Variants in CDH13 observed in about 807,000 individuals in gnomAD.
The protein encoded by CDH13 is cadherin-13.
A neutral mutation model predicts 63.8 loss-of-function variants in CDH13; 24 were observed. The observed-to-expected ratio is 0.38, with a 90% confidence interval of 0.27 to 0.53. CDH13 has a LOEUF of 0.53. Ranked by LOEUF, CDH13 falls within the 20% of genes least tolerant of loss-of-function variation. The pLI, the probability that CDH13 is intolerant of heterozygous loss-of-function variation, is 0.85. For synonymous variants in CDH13, 503 were observed against 355.3 expected (o/e 1.42, Z -4.67); for missense variants, 1,049 against 903.1 (o/e 1.16, Z -2.07).
intron 1 of CDH13, among the ~76,000 whole-genome samples, chr16:82,723,348 T>A (rs945456553): frequency 2.6e-5 from 4 of 152,210 alleles, no homozygotes; most frequent in Admixed American, 6.5e-5. Context: ...TTGAACCTTT[T>A]TGTGGGGACT....
chr16:82,692,469 C>G (rs1448202914), intron 1 of CDH13, among the ~76,000 whole-genome samples: 1 of 151,608 alleles, frequency 6.6e-6, no homozygotes, highest in Non-Finnish European at 1.5e-5. Flanking sequence ...GGGAAACTCT[C>G]CTTTATAAAA....
rs8057879 is a variant in CDH13, at chr16:83,587,923, C to A, written c.961-14531C>A. On this transcript the variant is annotated intron_variant, in intron 7 of 13. Coordinates refer to ENST00000567109, the MANE Select transcript of CDH13 (RefSeq NM_001257.5). ...CCCAGCTGGCTTTGTTGAGATTTATCTGAGCAACATTCTCTTATACCTCTT... is the reference window on the plus strand; with the variant it reads ...CCCAGCTGGCTTTGTTGAGATTTATATGAGCAACATTCTCTTATACCTCTT... 3.7e-3 allele frequency among the ~76,000 whole-genome samples: 564 copies of A among 151,604 alleles called. 3 individuals are homozygous for A. Among genetic ancestry groups the A allele is most frequent in the African/African-American group, 0.013 (532 of 41,410 alleles).
chr16:83,607,190 G>T (rs1425529084), intron 8 of CDH13, among the ~76,000 whole-genome samples: 1 of 152,126 alleles, frequency 6.6e-6, no homozygotes, highest in African/African-American at 2.4e-5. Flanking sequence ...GGCCGAGGTG[G>T]GTGGATCCCC....
At chr16:83,576,418 A>G (rs1454806101) in intron 7 of CDH13, among the ~76,000 whole-genome samples, 1 of 152,284 alleles carries the variant, frequency 6.6e-6, no homozygotes, top group East Asian at 1.9e-4. Flanking sequence ...CTGTTTATGG[A>G]CATTTGGCAC....
At chr16:82,645,463 G>C (rs1909981867) in intron 1 of CDH13, among the ~76,000 whole-genome samples, 1 of 152,102 alleles carries the variant, frequency 6.6e-6, no homozygotes, top group African/African-American at 2.4e-5. Flanking sequence ...AATATCTACA[G>C]ACATGCTTGT....
intron 6 of CDH13, among the ~76,000 whole-genome samples, chr16:83,353,169 A>C (rs907233186): frequency 1.3e-5 from 2 of 152,194 alleles, no homozygotes; most frequent in African/African-American, 4.8e-5. Context: ...AGACGTCAGC[A>C]CTCTGCCACA....
At chr16:82,737,050 C>T (rs960490768) in intron 1 of CDH13, among the ~76,000 whole-genome samples, 2 of 152,194 alleles carry the variant, frequency 1.3e-5, no homozygotes, top group Non-Finnish European at 2.9e-5. Flanking sequence ...TATGCCTTCT[C>T]CATCAGTGTT....
At chr16:82,696,492 CAGTTA>C (rs1353010215) in intron 1 of CDH13, among the ~76,000 whole-genome samples, 4 of 152,122 alleles carry the variant, frequency 2.6e-5, no homozygotes, top group African/African-American at 9.7e-5. Context: ...GACAGCTTTG[CAGTTA>C]AGTTCTGCAC....
rs182662411 is a variant in CDH13 at position 83,672,595 on chromosome 16, T to C, written c.1284+1623T>C. On this transcript the variant is annotated intron_variant, in intron 9 of 13. Coordinates refer to ENST00000567109, the MANE Select transcript of CDH13 (RefSeq NM_001257.5). ...GCATGCCACCACACCCAGCTAACTTTTGTATTTTCAATAGAGACGGGGTCT... is the reference window on the plus strand; with the variant it reads ...GCATGCCACCACACCCAGCTAACTTCTGTATTTTCAATAGAGACGGGGTCT... Among the ~76,000 whole-genome samples, 950 of 151,750 alleles carry C rather than the reference T, an allele frequency of 6.3e-3. 30 individuals are homozygous for C. Among genetic ancestry groups the C allele is most frequent in the Admixed American group, 3.5e-3 (54 of 15,262 alleles).
chr16:83,724,980 T>G (rs1352030696), intron 10 of CDH13, among the ~76,000 whole-genome samples: 2 of 152,162 alleles, frequency 1.3e-5, no homozygotes, highest in African/African-American at 2.4e-5. Context: ...GATTCACAGA[T>G]AGTGGGGATA....
chr16:82,891,735 C>T (rs2041087698), intron 2 of CDH13, among the ~76,000 whole-genome samples: 1 of 152,182 alleles, frequency 6.6e-6, no homozygotes, highest in African/African-American at 2.4e-5. Flanking sequence ...CTAAAGTACA[C>T]ATCACACTTT....
At chr16:83,094,657 A>C (rs1350451777) in intron 3 of CDH13, among the ~76,000 whole-genome samples, 1 of 152,228 alleles carries the variant, frequency 6.6e-6, no homozygotes, top group African/African-American at 2.4e-5. Context: ...TGAATGCTTC[A>C]GTTCCAAATA....
intron 6 of CDH13, among the ~76,000 whole-genome samples, chr16:83,423,854 G>C (rs1008566805): frequency 6.6e-6 from 1 of 152,182 alleles, no homozygotes; most frequent in Non-Finnish European, 1.5e-5. Context: ...CAGAGTTGTG[G>C]GGAAAGATAA....
chr16:83,384,705 G>A (rs1265042328), intron 6 of CDH13, among the ~76,000 whole-genome samples: 1 of 152,176 alleles, frequency 6.6e-6, no homozygotes, highest in East Asian at 1.9e-4. Flanking sequence ...AGGTGTGCAG[G>A]GCCACATGGC....
intron 4 of CDH13, among the ~76,000 whole-genome samples, chr16:83,190,725 A>C (rs2038671768): frequency 6.6e-6 from 1 of 152,234 alleles, no homozygotes; most frequent in Non-Finnish European, 1.5e-5. Context: ...TTTCCAAGGC[A>C]GTAAAATGTG....
intron 6 of CDH13, among the ~76,000 whole-genome samples, chr16:83,409,345 G>T (rs1388218681): frequency 1.3e-5 from 2 of 152,250 alleles, no homozygotes; most frequent in African/African-American, 4.8e-5. Context: ...CATGTGCCAA[G>T]CAGAGCTGCC....
In CDH13 at chr16:83,352,686, C is replaced by T. The variant is rs549692361; in HGVS notation, c.781+7680C>T. 1.4e-3 allele frequency among the ~76,000 whole-genome samples: 209 copies of T among 152,206 alleles called. 1 individual carries two copies. The highest frequency in any genetic ancestry group is 0.012 in the Admixed American group (189 of 15,276). On this transcript the variant is annotated intron_variant, in intron 6 of 13. Transcript: ENST00000567109. ...CAGGTGGATCACGAGGTCAGGAGAT[C>T]GAGACCATCCTGGCTAACACGGTGA...
In CDH13 at chr16:82,863,535, T is replaced by C. The variant is rs76377355; in HGVS notation, c.157+5062T>C. Among the ~76,000 whole-genome samples, 1,511 of 152,274 alleles carry C rather than the reference T, an allele frequency of 9.9e-3. 30 individuals are homozygous for C. The highest frequency in any genetic ancestry group is 0.035 in the African/African-American group (1,435 of 41,522). ...AGTGAGTTATTCACATCCTCCAAGT[T>C]TGAATTATCTCATCTCCAAAAGAAG... On this transcript the variant is annotated intron_variant, in intron 2 of 13. Transcript: ENST00000567109.
At chr16:83,476,456 C>T (rs753364113) in intron 6 of CDH13, among the ~76,000 whole-genome samples, 67 of 152,252 alleles carry the variant, frequency 4.4e-4, no homozygotes, top group Admixed American at 8.5e-4. Flanking sequence ...GCAGATCACT[C>T]GAGGTCGGGA....
Sources: allele counts gnomAD v4.1 joint callset (sites outside exome capture counted in the v4.1 genomes callset), GRCh38; gene constraint gnomAD v4.1.1; transcripts MANE v1.5; gene names NCBI Gene and HGNC (gene_info 2026-07-23, HGNC 2026-07-21).